SHISA5: variants seen among roughly 807,000 people sequenced by gnomAD.
SHISA5 encodes protein shisa-5.
Under a neutral mutation model 27.5 loss-of-function variants are expected in SHISA5, and 21 were observed. That is an observed-to-expected ratio of 0.76 (90% confidence interval 0.54 to 1.10). The LOEUF is 1.10. Among genes scored for constraint, SHISA5 ranks in the 50% least tolerant of loss-of-function variants. The pLI is 0.00. For synonymous variants in SHISA5, 137 were observed against 142.2 expected, an observed-to-expected ratio of 0.96 and a Z score of 0.26; for missense variants, 314 against 336.3, an observed-to-expected ratio of 0.93 and a Z score of 0.52.
Position 48,473,396 on chromosome 3 carries a change from C to T in SHISA5, c.315-3553G>A. The T allele has an allele frequency of 7.6e-7, 1 of 1,319,674 alleles. No individual in the cohort carries two copies. Among genetic ancestry groups the T allele is most frequent in the Non-Finnish European group, 9.9e-7 (1 of 1,009,232 alleles). 81.7% of individuals were successfully genotyped at this position (1,319,674 alleles called of 1,614,324 possible). A position where few individuals can be genotyped will look rare whatever the true frequency, so the allele number is the denominator to read the frequency against. ...TCAGTGGGCCCCAACCACACTCTAG[C>T]TCAGCAGCACCCCCACCCCCACTTC... On this transcript the variant is annotated intron_variant, in intron 3 of 5. Coordinates refer to ENST00000296444, the MANE Select transcript of SHISA5 (RefSeq NM_016479.6). The surrounding 1 kb of genome is among the most constrained non-coding windows in gnomAD (Gnocchi z 4.3).
intron 3 of SHISA5, 94 bp downstream of exon 3, chr3:48,479,083 G>C: frequency 1.7e-6 from 2 of 1,166,568 alleles, no homozygotes; most frequent in Non-Finnish European, 2.5e-6. Flanking sequence ...CCCAATGACC[G>C]AATCATCCCA....
At position 48,504,113 on chromosome 3, in the gene SHISA5, G is replaced by GCGGACGGA; in HGVS notation, c.-27_-20dup. 2 of 1,234,196 alleles carry GCGGACGGA rather than the reference G, an allele frequency of 1.6e-6. No individual in the cohort carries two copies. Among genetic ancestry groups the GCGGACGGA allele is most frequent in the Non-Finnish European group, 2.1e-6 (2 of 958,156 alleles). The allele number at this position is 1,234,196 out of a possible 1,614,324, so 76.5% of individuals were successfully genotyped here. ...CAGTCATGGCTGGGCGGGCGGACGG[G>GCGGACGGA]CGGACGGACGCGAGCGCCGGGCGCA... On this transcript the variant is annotated 5_prime_UTR_variant, in exon 1 of 6. Transcript: ENST00000296444. This position sits in a 1 kb window ranked among gnomAD's most constrained non-coding sequence, Gnocchi z 4.0.
At chr3:48,472,952 C>G (rs749185592) in intron 3 of SHISA5, 7 of 1,478,782 alleles carry the variant, frequency 4.7e-6, no homozygotes, top group Non-Finnish European at 6.4e-6. Context: ...ATCATCCCTC[C>G]AGAGATCTCT....
At chr3:48,496,943 G>A (rs2041571642) in intron 2 of SHISA5, among the ~76,000 whole-genome samples, 1 of 151,654 alleles carries the variant, frequency 6.6e-6, no homozygotes, top group African/African-American at 2.4e-5. Context: ...CAATTCCACA[G>A]AAATGGCCAG....
intron 3 of SHISA5, among the ~76,000 whole-genome samples, chr3:48,474,261 ATT>A (rs1278152297): frequency 6.7e-6 from 1 of 148,570 alleles, no homozygotes; most frequent in Non-Finnish European, 1.5e-5. Context: ...CTATTTTTTT[ATT>A]TTTTGTAGAG....
intron 2 of SHISA5, among the ~76,000 whole-genome samples, chr3:48,482,834 C>T (rs2041067285): frequency 6.6e-6 from 1 of 152,036 alleles, no homozygotes; most frequent in South Asian, 2.1e-4. Flanking sequence ...GGGGTTTCAC[C>T]ATGTTAGTCA....
intron 2 of SHISA5, among the ~76,000 whole-genome samples, chr3:48,497,846 C>T (rs959512653): frequency 6.6e-6 from 1 of 150,666 alleles, no homozygotes; most frequent in South Asian, 2.1e-4. Context: ...CCAGTGACTG[C>T]ACCACTGCAC....
intron 2 of SHISA5, among the ~76,000 whole-genome samples, chr3:48,485,182 C>T (rs111351899): frequency 2.0e-5 from 3 of 151,702 alleles, no homozygotes; most frequent in Non-Finnish European, 4.4e-5. Context: ...CTCAAAAAAA[C>T]GAAAAGAAAT....
At chr3:48,474,474 C>A (rs1462640075) in intron 3 of SHISA5, among the ~76,000 whole-genome samples, 1 of 151,650 alleles carries the variant, frequency 6.6e-6, no homozygotes, top group Non-Finnish European at 1.5e-5. Context: ...GAAGCTGGGA[C>A]TACAGGTGCG....
At chr3:48,495,329 C>CT (rs1251963124) in intron 2 of SHISA5, among the ~76,000 whole-genome samples, 1 of 119,670 alleles carries the variant, frequency 8.4e-6, no homozygotes, top group Non-Finnish European at 1.6e-5. Context: ...TTTTACGACG[C>CT]TTTTTTTTTT....
Position 48,468,062 on chromosome 3 carries a change from C to T in SHISA5, c.*1045G>A. 1.2e-6 allele frequency: 1 copy of T among 828,302 alleles called. No homozygotes were observed. Among genetic ancestry groups the T allele is most frequent in the South Asian group, 4.6e-5 (1 of 21,610 alleles). 51.3% of individuals were successfully genotyped at this position (828,302 alleles called of 1,614,324 possible). On this transcript the variant is annotated 3_prime_UTR_variant, in exon 6 of 6. Transcript: ENST00000296444. ...CTTTGGTCCAGATGGCCCATTGGCC[C>T]AGGTGTCCCTGCTGCCAGAACACCG...
Position 48,468,907 on chromosome 3 carries a change from A to G in SHISA5, c.*200T>C. The stretch of plus-strand genomic sequence containing the variant: ...AGAGAACAAAGTCTGGTCCCAGCCC[A>G]CTCTGGCAAGGATTGTTCCCCACCT... On this transcript the variant is annotated 3_prime_UTR_variant, in exon 6 of 6. Transcript: ENST00000296444. 2 of 1,539,678 alleles carry G rather than the reference A, an allele frequency of 1.3e-6. No individual in the cohort carries two copies. The highest frequency in any genetic ancestry group is 1.2e-5 in the South Asian group (1 of 84,204).
At chr3:48,503,628 C>T (rs971744641) in intron 1 of SHISA5, 35 of 881,868 alleles carry the variant, frequency 4.0e-5, no homozygotes, top group Non-Finnish European at 8.4e-6. Context: ...GGCTCCCAGA[C>T]ATTAAACAGA....
chr3:48,503,838 A>C (rs2041823530), intron 1 of SHISA5, 181 bp downstream of exon 1: 1 of 1,283,562 alleles, frequency 7.8e-7, no homozygotes, highest in Non-Finnish European at 9.9e-7. Context: ...TGTTCAGGCA[A>C]GGAGGGTGCT....
chr3:48,493,802 G>A (rs1172401166), intron 2 of SHISA5, among the ~76,000 whole-genome samples: 1 of 146,392 alleles, frequency 6.8e-6, no homozygotes, highest in Non-Finnish European at 1.5e-5. Context: ...CAAAGTGCTG[G>A]GATTACAGGC....
chr3:48,472,389 G>T (rs1264804972), intron 3 of SHISA5, among the ~76,000 whole-genome samples: 3 of 151,606 alleles, frequency 2.0e-5, no homozygotes, highest in Admixed American at 6.6e-5. Flanking sequence ...CCAGCTACTG[G>T]GGAGGCTGAG....
Position 48,504,112 on chromosome 3 carries a change from G to C in SHISA5, c.-18C>G. 8.0e-7 allele frequency: 1 copy of C among 1,253,816 alleles called. No homozygotes were observed. The highest frequency in any genetic ancestry group is 1.0e-6 in the Non-Finnish European group (1 of 974,702). 77.7% of individuals were successfully genotyped at this position (1,253,816 alleles called of 1,614,324 possible). ...GCAGTCATGGCTGGGCGGGCGGACGGGCGGACGGACGCGAGCGCCGGGCGC... is the reference window on the plus strand; with the variant it reads ...GCAGTCATGGCTGGGCGGGCGGACGCGCGGACGGACGCGAGCGCCGGGCGC... On this transcript the variant is annotated 5_prime_UTR_variant, in exon 1 of 6. Coordinates refer to ENST00000296444, the MANE Select transcript of SHISA5 (RefSeq NM_016479.6). The surrounding 1 kb of genome is among the most constrained non-coding windows in gnomAD (Gnocchi z 4.0).
chr3:48,469,163 CG>C lies in SHISA5; in HGVS notation c.666del (p.Ala223ProfsTer36), dbSNP rs756570731. ...GCCGGGTTGTAAGGAGGCTGGCTGG[CG>C]GGGTAGGGCGCGGCTGCTCCTCCTG... ...TLAGGAAAPY[P>X]ASQPPYNPAY... On this transcript the variant is annotated frameshift_variant, in exon 6 of 6. Coordinates refer to ENST00000296444, the MANE Select transcript of SHISA5 (RefSeq NM_016479.6). LOFTEE classifies it high-confidence loss of function. The surrounding 1 kb of genome is among the most constrained non-coding windows in gnomAD (Gnocchi z 4.6). 1 of 1,612,560 alleles carries C rather than the reference CG, an allele frequency of 6.2e-7. No homozygotes were observed. The highest frequency in any genetic ancestry group is 8.5e-7 in the Non-Finnish European group (1 of 1,179,940).
Position 48,470,652 on chromosome 3 carries a change from G to A in SHISA5, c.315-809C>T, listed in dbSNP as rs546021142. Reference sequence around the variant, plus strand: ...TCACCAAAATTGACTTCTAGGAGGGGGCAGTGGCTCATGCCTGCAATCTCA... The same window carrying A: ...TCACCAAAATTGACTTCTAGGAGGGAGCAGTGGCTCATGCCTGCAATCTCA... On this transcript the variant is annotated intron_variant, in intron 3 of 5. Coordinates refer to ENST00000296444, the MANE Select transcript of SHISA5 (RefSeq NM_016479.6). The surrounding 1 kb of genome is among the most constrained non-coding windows in gnomAD (Gnocchi z 4.3). Among the ~76,000 whole-genome samples, 2 of 152,192 alleles carry A rather than the reference G, an allele frequency of 1.3e-5. No individual in the cohort carries two copies. The highest frequency in any genetic ancestry group is 2.9e-5 in the Non-Finnish European group (2 of 68,038).
Sources: allele counts gnomAD v4.1 joint callset (sites outside exome capture counted in the v4.1 genomes callset), GRCh38; gene constraint gnomAD v4.1.1; non-coding constraint Gnocchi (gnomAD v3.1); transcripts MANE v1.5; gene names NCBI Gene and HGNC (gene_info 2026-07-23, HGNC 2026-07-21).